KCNH7: variants seen among roughly 807,000 people sequenced by gnomAD.
The protein encoded by KCNH7 is voltage-gated inwardly rectifying potassium channel KCNH7.
KCNH7 carries 49 observed loss-of-function variants against 120.8 expected under a neutral mutation model. That is an observed-to-expected ratio of 0.41 (90% CI 0.32 to 0.51). The LOEUF (loss-of-function observed/expected upper bound fraction) is 0.51. Ranked by LOEUF, KCNH7 falls within the 20% of genes least tolerant of loss-of-function variation. The pLI, the probability that KCNH7 is intolerant of heterozygous loss-of-function variation, is 0.38. For synonymous variants in KCNH7, 547 were observed against 516.1 expected, an observed-to-expected ratio of 1.06 and a Z score of -0.81; for missense variants, 1,097 against 1,446.6, an observed-to-expected ratio of 0.76 and a Z score of 3.92.
At chr2:162,376,529 T>C (rs1686194683) in intron 14 of KCNH7, among the ~76,000 whole-genome samples, 1 of 152,052 alleles carries the variant, frequency 6.6e-6, no homozygotes, top group Admixed American at 6.6e-5. Flanking sequence ...CACTCCCAGC[T>C]AATTTTTGTA....
rs569843165 is a variant in KCNH7, at chr2:162,644,157, TGAG to T, written c.308-107080_308-107078del. On this transcript the variant is annotated intron_variant, in intron 2 of 15. Coordinates refer to ENST00000332142, the MANE Select transcript of KCNH7 (RefSeq NM_033272.4). ...GCAAATTCAGAAAAACAAATGGACT[TGAG>T]GAAAAGACTGCGCTGTATCTGTGCT... Among the ~76,000 whole-genome samples the T allele has an allele frequency of 3.9e-3, 600 of 152,214 alleles. 1 individual carries two copies. The highest frequency in any genetic ancestry group is 6.7e-3 in the Non-Finnish European group (454 of 68,018).
chr2:162,442,341 T>C (rs535607854), intron 7 of KCNH7, among the ~76,000 whole-genome samples: 117 of 152,064 alleles, frequency 7.7e-4, no homozygotes, highest in African/African-American at 2.7e-3. Flanking sequence ...ATGTCTTCTT[T>C]AGTAAAAACG....
At chr2:162,473,067 G>A (rs13004995) in intron 6 of KCNH7, among the ~76,000 whole-genome samples, 34 of 151,984 alleles carry the variant, frequency 2.2e-4, no homozygotes, top group African/African-American at 7.5e-4. Context: ...ACCGGGGCCT[G>A]TTGTGGGGTA....
chr2:162,565,007 C>T (rs1693204141), intron 2 of KCNH7, among the ~76,000 whole-genome samples: 1 of 151,972 alleles, frequency 6.6e-6, no homozygotes, highest in Admixed American at 6.6e-5. Context: ...TGGTATATCC[C>T]CTTAACCTCC....
intron 2 of KCNH7, among the ~76,000 whole-genome samples, chr2:162,722,653 G>A (rs1687357867): frequency 6.6e-6 from 1 of 151,846 alleles, no homozygotes; most frequent in Non-Finnish European, 1.5e-5. Flanking sequence ...ACCAGATGTG[G>A]GAAGTTTTCA....
intron 2 of KCNH7, among the ~76,000 whole-genome samples, chr2:162,746,038 T>G (rs1688304491): frequency 6.6e-6 from 1 of 152,062 alleles, no homozygotes; most frequent in African/African-American, 2.4e-5. Context: ...ACTAATAAAC[T>G]TTATTTATTA....
intron 2 of KCNH7, among the ~76,000 whole-genome samples, chr2:162,684,041 G>A (rs1360027006): frequency 6.6e-6 from 1 of 151,798 alleles, no homozygotes; most frequent in Non-Finnish European, 1.5e-5. Context: ...CAGAAATAAT[G>A]CCACACATCT....
chr2:162,765,622 T>A (rs1192455195), intron 2 of KCNH7, among the ~76,000 whole-genome samples: 2 of 152,212 alleles, frequency 1.3e-5, no homozygotes, highest in Non-Finnish European at 2.9e-5. Flanking sequence ...GAGGGGGTGA[T>A]AACGACAAAT....
chr2:162,753,806 G>T (rs1348930461), intron 2 of KCNH7, among the ~76,000 whole-genome samples: 6 of 151,746 alleles, frequency 4.0e-5, no homozygotes, highest in Admixed American at 2.6e-4. Flanking sequence ...TCCCTTTCCT[G>T]TTTAATTTCT....
intron 6 of KCNH7, among the ~76,000 whole-genome samples, chr2:162,452,307 AAT>A (rs1688802864): frequency 6.6e-6 from 1 of 152,096 alleles, no homozygotes; most frequent in Non-Finnish European, 1.5e-5. Flanking sequence ...CTTATTCAGA[AAT>A]GTCTAAGATA....
intron 6 of KCNH7, among the ~76,000 whole-genome samples, chr2:162,470,938 G>T (rs1038309082): frequency 1.3e-5 from 2 of 152,180 alleles, no homozygotes; most frequent in East Asian, 3.8e-4. Context: ...GTTGATCTCT[G>T]ACCTTACCCC....
chr2:162,668,804 T>A (rs553590981), intron 2 of KCNH7, among the ~76,000 whole-genome samples: 1 of 152,166 alleles, frequency 6.6e-6, no homozygotes, highest in Non-Finnish European at 1.5e-5. Flanking sequence ...ATGAGACAAC[T>A]ATAATTATTT....
At chr2:162,834,285 C>A (rs1350388487) in intron 2 of KCNH7, among the ~76,000 whole-genome samples, 1 of 152,040 alleles carries the variant, frequency 6.6e-6, no homozygotes, top group Admixed American at 6.6e-5. Flanking sequence ...TCAAAGCAAA[C>A]AAGTATGACT....
intron 6 of KCNH7, 82 bp from the exon 7 acceptor site, chr2:162,446,525 A>G (rs1208131186): frequency 1.2e-5 from 12 of 976,940 alleles, no homozygotes; most frequent in African/African-American, 1.7e-5. Context: ...AAGGGAACTA[A>G]TTATACAGTA....
At chr2:162,663,538 C>T (rs13400734) in intron 2 of KCNH7, among the ~76,000 whole-genome samples, 25,951 of 152,002 alleles carry the variant, frequency 0.17, 7,010 homozygotes, top group African/African-American at 0.57. Context: ...GATTAGTTTG[C>T]TCTTTGAGAA....
At chr2:162,820,197 GC>G (rs1405357762) in intron 2 of KCNH7, among the ~76,000 whole-genome samples, 2 of 113,696 alleles carry the variant, frequency 1.8e-5, no homozygotes, top group Non-Finnish European at 3.9e-5. Flanking sequence ...CCAGCACCAC[GC>G]CCGGCTAATT....
chr2:162,541,508 G>T (rs992937826), intron 2 of KCNH7, among the ~76,000 whole-genome samples: 1 of 152,046 alleles, frequency 6.6e-6, no homozygotes, highest in Non-Finnish European at 1.5e-5. Context: ...ATATTATGCA[G>T]CCAAAAAGGA....
At chr2:162,822,195 GC>G (rs751767616) in intron 2 of KCNH7, among the ~76,000 whole-genome samples, 71 of 151,042 alleles carry the variant, frequency 4.7e-4, no homozygotes, top group Admixed American at 4.6e-4. Flanking sequence ...ATTTTACTCA[GC>G]CACAGATGTG....
intron 10 of KCNH7, 37 bp from the exon 11 acceptor site, chr2:162,396,982 A>G (rs2105438188): frequency 7.2e-7 from 1 of 1,386,224 alleles, no homozygotes; most frequent in African/African-American, 1.4e-5. Context: ...GGGGAAAGGG[A>G]ATCCAAACTC....
Sources: allele counts gnomAD v4.1 joint callset (sites outside exome capture counted in the v4.1 genomes callset), GRCh38; gene constraint gnomAD v4.1.1; transcripts MANE v1.5; gene names NCBI Gene and HGNC (gene_info 2026-07-23, HGNC 2026-07-21).